The following GMDS variants were observed in gnomAD, a reference collection of about 807,000 sequenced individuals.
The protein encoded by GMDS is GDP-mannose 4,6 dehydratase.
In GMDS, 20 loss-of-function variants were observed where a neutral mutation model predicts 49.9. The observed-to-expected ratio is 0.40, with a 90% CI of 0.28 to 0.58. GMDS has a LOEUF of 0.58. Among genes scored for constraint, GMDS ranks in the 20% least tolerant of loss-of-function variants. The pLI, the probability that GMDS is intolerant of heterozygous loss-of-function variation, is 0.42. For missense variants in GMDS, 362 were observed against 481.4 expected (o/e 0.75, Z 2.32); for synonymous variants, 177 against 178.6 (o/e 0.99, Z 0.07).
intron 6 of GMDS, among the ~76,000 whole-genome samples, chr6:1,940,627 A>G (rs1762778189): frequency 6.6e-6 from 1 of 152,242 alleles, no homozygotes. Flanking sequence ...TCAAAATCCA[A>G]TAGGCACGTT....
intron 1 of GMDS, among the ~76,000 whole-genome samples, chr6:2,198,120 A>G (rs1779353911): frequency 6.6e-6 from 1 of 152,216 alleles, no homozygotes; most frequent in African/African-American, 2.4e-5. Flanking sequence ...TACTAAAATA[A>G]GCAGCCACTG....
rs140026175 is a variant in GMDS at position 2,221,696 on chromosome 6, T to C, written c.102+23625A>G. On this transcript the variant is annotated intron_variant, in intron 1 of 10. Coordinates refer to ENST00000380815, the MANE Select transcript of GMDS (RefSeq NM_001500.4). ...AGCCACCATGCCCGGCCTTAAAATG[T>C]TCTTTTAACAAAGGGATTTTAGTGA... Among the ~76,000 whole-genome samples, 833 of 152,344 alleles carry C rather than the reference T, an allele frequency of 5.5e-3. 2 individuals carry two copies. The highest frequency in any genetic ancestry group is 0.017 in the Middle Eastern group (5 of 294).
At chr6:1,853,059 T>C (rs1350189397) in intron 7 of GMDS, among the ~76,000 whole-genome samples, 1 of 152,058 alleles carries the variant, frequency 6.6e-6, no homozygotes, top group Non-Finnish European at 1.5e-5. Flanking sequence ...CTGTCCTTGT[T>C]GAGAGAAAGG....
At chr6:1,674,583 T>TTG (rs1441443607) in intron 9 of GMDS, among the ~76,000 whole-genome samples, 1 of 124,946 alleles carries the variant, frequency 8.0e-6, no homozygotes, top group African/African-American at 2.8e-5. Flanking sequence ...TTTTTTTTTT[T>TTG]TGACATAGTC....
At chr6:1,838,944 C>T (rs1393986469) in intron 7 of GMDS, among the ~76,000 whole-genome samples, 1 of 152,166 alleles carries the variant, frequency 6.6e-6, no homozygotes, top group East Asian at 1.9e-4. Flanking sequence ...ATTACATGCC[C>T]ATGTAAGGAT....
intron 6 of GMDS, among the ~76,000 whole-genome samples, chr6:1,953,576 G>A (rs1173774625): frequency 6.6e-6 from 1 of 152,106 alleles, no homozygotes; most frequent in African/African-American, 2.4e-5. Flanking sequence ...AAAGTACTCT[G>A]CCAATGTTAA....
intron 9 of GMDS, among the ~76,000 whole-genome samples, chr6:1,709,911 A>T (rs943809176): frequency 6.6e-6 from 1 of 152,190 alleles, no homozygotes; most frequent in Admixed American, 6.5e-5. Flanking sequence ...CAGGGTATCT[A>T]TGGAGGAAGA....
chr6:1,997,197 T>C (rs902098887), intron 4 of GMDS, among the ~76,000 whole-genome samples: 2 of 151,980 alleles, frequency 1.3e-5, no homozygotes, highest in Non-Finnish European at 2.9e-5. Flanking sequence ...AGGTCTCAGT[T>C]ATTGATGGTT....
chr6:1,989,022 G>T (rs937073847), intron 4 of GMDS, among the ~76,000 whole-genome samples: 3 of 152,230 alleles, frequency 2.0e-5, no homozygotes, highest in African/African-American at 7.2e-5. Flanking sequence ...GCTGCAGGGG[G>T]CATGAGCCCA....
rs149548766 is a variant in GMDS, at chr6:2,217,561, G to A, written c.102+27760C>T. 5.5e-3 allele frequency among the ~76,000 whole-genome samples: 833 copies of A among 152,256 alleles called. 2 individuals are homozygous for A. Among genetic ancestry groups the A allele is most frequent in the Middle Eastern group, 0.017 (5 of 294 alleles). Reference sequence around the variant, plus strand: ...GGTAGGAGAAACACCTCCCAACTCTGTTTTAAATAGTAAACATCAAAATGT... The same window carrying A: ...GGTAGGAGAAACACCTCCCAACTCTATTTTAAATAGTAAACATCAAAATGT... On this transcript the variant is annotated intron_variant, in intron 1 of 10. Transcript: ENST00000380815.
At chr6:1,805,200 T>C (rs1462951694) in intron 7 of GMDS, among the ~76,000 whole-genome samples, 3 of 152,254 alleles carry the variant, frequency 2.0e-5, no homozygotes, top group African/African-American at 7.2e-5. Flanking sequence ...AGTTGTTGGA[T>C]TTTTATTAAA....
intron 4 of GMDS, among the ~76,000 whole-genome samples, chr6:1,964,668 C>T (rs1764160322): frequency 6.6e-6 from 1 of 152,104 alleles, no homozygotes. Context: ...CAATTTAGAT[C>T]ACTAATAGGT....
chr6:1,961,928 C>T (rs1397513127), intron 4 of GMDS, among the ~76,000 whole-genome samples: 1 of 152,130 alleles, frequency 6.6e-6, no homozygotes, highest in Admixed American at 6.5e-5. Flanking sequence ...ATTTAGACCA[C>T]TAAACTCATG....
At chr6:2,126,158 T>C (rs180788470) in intron 1 of GMDS, among the ~76,000 whole-genome samples, 278 of 152,314 alleles carry the variant, frequency 1.8e-3, no homozygotes, top group Non-Finnish European at 3.3e-3. Flanking sequence ...CACCATTCTG[T>C]AGGTGCTATA....
At chr6:1,863,620 C>T (rs3800105) in intron 7 of GMDS, among the ~76,000 whole-genome samples, 12,641 of 152,194 alleles carry the variant, frequency 0.083, 607 homozygotes, top group South Asian at 0.15. Flanking sequence ...ACACGTCCCA[C>T]AAGCTTCTTT....
chr6:1,738,640 G>C (rs1487416250), intron 8 of GMDS, among the ~76,000 whole-genome samples: 6 of 151,874 alleles, frequency 4.0e-5, no homozygotes, highest in African/African-American at 1.5e-4. Flanking sequence ...ATGAGGCAAG[G>C]ACACAAAGCA....
intron 1 of GMDS, among the ~76,000 whole-genome samples, chr6:2,206,563 C>T (rs992830748): frequency 1.2e-4 from 19 of 152,204 alleles, no homozygotes; most frequent in Non-Finnish European, 2.8e-4. Context: ...TTGTCAAACT[C>T]AACCATCACT....
intron 7 of GMDS, among the ~76,000 whole-genome samples, chr6:1,850,206 C>T (rs1757597071): frequency 1.3e-5 from 2 of 152,198 alleles, no homozygotes; most frequent in Admixed American, 1.3e-4. Flanking sequence ...TGCCAAGCTG[C>T]TATCGGATGT....
chr6:1,855,489 C>T (rs1757902074), intron 7 of GMDS, among the ~76,000 whole-genome samples: 1 of 152,190 alleles, frequency 6.6e-6, no homozygotes, highest in South Asian at 2.1e-4. Context: ...ACAGAGATCA[C>T]TGCAGAGTCC....
Sources: allele counts gnomAD v4.1 joint callset (sites outside exome capture counted in the v4.1 genomes callset), GRCh38; gene constraint gnomAD v4.1.1; transcripts MANE v1.5; gene names NCBI Gene and HGNC (gene_info 2026-07-23, HGNC 2026-07-21).